GALNT10: variants seen among roughly 807,000 people sequenced by gnomAD.
GALNT10 encodes polypeptide N-acetylgalactosaminyltransferase 10.
Under a neutral mutation model 75.0 loss-of-function variants are expected in GALNT10, and 41 were observed. The observed-to-expected ratio is 0.55, with a 90% CI of 0.43 to 0.71. The LOEUF (loss-of-function observed/expected upper bound fraction) is 0.71. GALNT10 is among the 30% of genes least tolerant of loss of function. The pLI, the probability that GALNT10 is intolerant of heterozygous loss-of-function variation, is 0.00. For missense variants in GALNT10, 727 were observed against 818.5 expected (o/e 0.89, Z 1.36); for synonymous variants, 302 against 313.0 (o/e 0.96, Z 0.37).
intron 3 of GALNT10, among the ~76,000 whole-genome samples, chr5:154,318,104 G>C (rs1754624735): frequency 6.6e-6 from 1 of 152,226 alleles, no homozygotes; most frequent in African/African-American, 2.4e-5. Context: ...GCTAAGCCAG[G>C]CTCCTTTGGC....
chr5:154,275,295 C>G (rs2113044533), intron 1 of GALNT10, among the ~76,000 whole-genome samples: 1 of 152,314 alleles, frequency 6.6e-6, no homozygotes, highest in East Asian at 1.9e-4. Flanking sequence ...CAGACCAGCA[C>G]CAGTTCACAA....
At chr5:154,252,225 C>A (rs1201226420) in intron 1 of GALNT10, among the ~76,000 whole-genome samples, 1 of 152,112 alleles carries the variant, frequency 6.6e-6, no homozygotes, top group Non-Finnish European at 1.5e-5. Flanking sequence ...ACCACTGTCT[C>A]CCTCTTAACT....
At chr5:154,362,123 C>A (rs149419493) in intron 4 of GALNT10, among the ~76,000 whole-genome samples, 1 of 152,366 alleles carries the variant, frequency 6.6e-6, no homozygotes, top group East Asian at 1.9e-4. Context: ...GAAGCTCCTT[C>A]TGTTCAAACT....
At chr5:154,385,976 A>G (rs559986446) in intron 6 of GALNT10, among the ~76,000 whole-genome samples, 1 of 152,292 alleles carries the variant, frequency 6.6e-6, no homozygotes, top group Non-Finnish European at 1.5e-5. Context: ...AACTTGGACC[A>G]TTTAACTAGT....
Position 154,294,900 on chromosome 5 carries a change from A to G in GALNT10, c.244A>G (p.Arg82Gly). The change falls in exon 2 of 12, where the codon AGG becomes GGG. Residue 82 changes from arginine (R) to glycine (G), a missense_variant. Coordinates refer to ENST00000297107, the MANE Select transcript of GALNT10 (RefSeq NM_198321.4). ...CTGGCATGACAAGGAGGCCATCCGG[A>G]GGGACGCTCAGCGCGTAGGTACGGA... ...KDWHDKEAIRRDAQRVGNGEQ... is the reference protein window; with the variant it reads ...KDWHDKEAIRGDAQRVGNGEQ... 3 of 1,570,034 alleles carry G rather than the reference A, an allele frequency of 1.9e-6. No homozygotes were observed.
intron 1 of GALNT10, among the ~76,000 whole-genome samples, chr5:154,284,203 A>C (rs1341102744): frequency 6.6e-6 from 1 of 152,208 alleles, no homozygotes; most frequent in Non-Finnish European, 1.5e-5. Context: ...GGTACTATTA[A>C]TTTCCCCCAT....
At chr5:154,268,828 A>G (rs1236445353) in intron 1 of GALNT10, among the ~76,000 whole-genome samples, 1 of 152,172 alleles carries the variant, frequency 6.6e-6, no homozygotes, top group Non-Finnish European at 1.5e-5. Flanking sequence ...TTTCCAGGGA[A>G]CTTATTAATA....
At chr5:154,328,595 A>T (rs1032204551) in intron 3 of GALNT10, among the ~76,000 whole-genome samples, 1 of 152,204 alleles carries the variant, frequency 6.6e-6, no homozygotes. Context: ...ATTCAATTCA[A>T]TTCTGACACT....
chr5:154,374,079 T>C (rs1681605018), intron 4 of GALNT10, among the ~76,000 whole-genome samples: 1 of 152,198 alleles, frequency 6.6e-6, no homozygotes, highest in Admixed American at 6.5e-5. Context: ...GAACATAGTG[T>C]TCCTGACCAA....
rs553881070 is a variant in GALNT10, at chr5:154,220,965, A to G, written c.159+29940A>G. Among the ~76,000 whole-genome samples, 3 of 152,356 alleles carry G rather than the reference A, an allele frequency of 2.0e-5. No individual in the cohort carries two copies. In the South Asian group the frequency reaches 6.2e-4, roughly 32 times the overall value. ...AAATATGGACTGTCCTGAGTTTTAAATATCATGCAGGCCAAATAAAGCCAT... is the reference window on the plus strand; with the variant it reads ...AAATATGGACTGTCCTGAGTTTTAAGTATCATGCAGGCCAAATAAAGCCAT... On this transcript the variant is annotated intron_variant, in intron 1 of 11. Coordinates refer to ENST00000297107, the MANE Select transcript of GALNT10 (RefSeq NM_198321.4).
At chr5:154,311,960 A>G (rs936367036) in intron 3 of GALNT10, among the ~76,000 whole-genome samples, 2 of 152,088 alleles carry the variant, frequency 1.3e-5, no homozygotes, top group Non-Finnish European at 2.9e-5. Flanking sequence ...AGGTACTTGG[A>G]CCAGGCCTAG....
chr5:154,219,514 T>C (rs1330157106), intron 1 of GALNT10: 1 of 152,234 alleles, frequency 6.6e-6, no homozygotes, highest in Non-Finnish European at 1.5e-5. Context: ...TGCCAAATAA[T>C]GGATGGAAGA....
intron 1 of GALNT10, among the ~76,000 whole-genome samples, chr5:154,232,129 A>G (rs1193695174): frequency 6.6e-6 from 1 of 152,198 alleles, no homozygotes; most frequent in Non-Finnish European, 1.5e-5. Flanking sequence ...GCAGATTTTT[A>G]TAGAAAGTAA....
chr5:154,301,562 G>GTT (rs371007487), intron 3 of GALNT10, among the ~76,000 whole-genome samples: 269 of 129,658 alleles, frequency 2.1e-3, no homozygotes, highest in African/African-American at 6.6e-3. Context: ...TTGTTTTTTT[G>GTT]TTTTTTTTTT....
chr5:154,237,802 C>T (rs978131278), intron 1 of GALNT10, among the ~76,000 whole-genome samples: 3 of 152,172 alleles, frequency 2.0e-5, no homozygotes, highest in Non-Finnish European at 4.4e-5. Context: ...TTCCTTGCAT[C>T]ACATCAAGGA....
At chr5:154,378,682 C>T (rs770674877) in intron 5 of GALNT10, among the ~76,000 whole-genome samples, 2 of 152,196 alleles carry the variant, frequency 1.3e-5, no homozygotes, top group Non-Finnish European at 2.9e-5. Context: ...TCAGAGACAT[C>T]AGATAGTCTT....
intron 4 of GALNT10, among the ~76,000 whole-genome samples, chr5:154,342,554 G>A (rs1475669854): frequency 1.3e-5 from 2 of 152,164 alleles, no homozygotes; most frequent in Non-Finnish European, 2.9e-5. Context: ...AAAGATCCTC[G>A]TACTTTTGGA....
Position 154,418,203 on chromosome 5 carries a change from T to A in GALNT10, c.*1231T>A, listed in dbSNP as rs1756554540. On this transcript the variant is annotated 3_prime_UTR_variant, in exon 12 of 12. Coordinates refer to ENST00000297107, the MANE Select transcript of GALNT10 (RefSeq NM_198321.4). ...TGTTGGGAAAGCAGGGGGACATGTG[T>A]CCCTCAGCTCAGCAGAGGCTGTGGT... The A allele has an allele frequency of 6.6e-6, 1 of 152,188 alleles. No homozygotes were observed. The highest frequency in any genetic ancestry group is 1.5e-5 in the Non-Finnish European group (1 of 68,054). The allele number at this position is 152,188 out of a possible 1,614,324, so 9.4% of individuals were successfully genotyped here.
intron 1 of GALNT10, among the ~76,000 whole-genome samples, chr5:154,268,133 C>G (rs890664967): frequency 5.3e-5 from 8 of 152,166 alleles, no homozygotes; most frequent in Non-Finnish European, 1.2e-4. Context: ...TTAGCAAGGT[C>G]AGATGGTACA....
Sources: gnomAD v4.1 joint callset for allele counts (sites outside exome capture counted in the v4.1 genomes callset) on GRCh38, gnomAD v4.1.1 for gene constraint, MANE v1.5 for transcripts, NCBI Gene and HGNC (gene_info 2026-07-23, HGNC 2026-07-21) for gene names.